Variants in PFDN2 observed in about 807,000 individuals in gnomAD.
The protein encoded by PFDN2 is prefoldin 2.
In PFDN2, 7 loss-of-function variants were observed where a neutral mutation model predicts 18.3. That is an observed-to-expected ratio of 0.38 (90% CI 0.22 to 0.72). PFDN2 has a LOEUF of 0.72. Among genes scored for constraint, PFDN2 ranks in the 30% least tolerant of loss-of-function variants. The pLI, the probability that PFDN2 is intolerant of heterozygous loss-of-function variation, is 0.47. For missense variants in PFDN2, 181 were observed against 199.1 expected (o/e 0.91, Z 0.55); for synonymous variants, 76 against 75.0 (o/e 1.01, Z -0.07).
rs1654576361 is a variant in PFDN2, at chr1:161,102,087, G to A, written c.249C>T (p.Val83=). The part of the protein sequence containing the change: ...MVGGVLVERT[V]KEVLPALENN... ...TCTCCAAAGCGGGCAGCACCTCTTT[G>A]ACAGTTCGCTCCACCAGCACTCCTC... The change falls in exon 3 of 4, where the codon GTC becomes GTT. Residue 83 remains valine (V), a synonymous_variant. Transcript: ENST00000368010. 3.1e-6 allele frequency: 5 copies of A among 1,614,182 alleles called. No homozygotes were observed. The East Asian group carries it at 1.1e-4, about 36-fold the overall frequency.
intron 1 of PFDN2, among the ~76,000 whole-genome samples, chr1:161,112,664 C>G (rs1425334856): frequency 6.6e-6 from 1 of 152,172 alleles, no homozygotes; most frequent in Non-Finnish European, 1.5e-5. Context: ...AGCAATTTCT[C>G]TTAGGCTCAC....
rs188728849 is a variant in PFDN2, at chr1:161,111,001, G to A, written c.75+6951C>T. ...ACTACAGGCGCCCGCCAATGCGCCC[G>A]GCTAACTTTTTGTATTTTTTAGTAG... On this transcript the variant is annotated intron_variant, in intron 1 of 3. Coordinates refer to ENST00000368010, the MANE Select transcript of PFDN2 (RefSeq NM_012394.4). 3.4e-3 allele frequency among the ~76,000 whole-genome samples: 513 copies of A among 151,918 alleles called. 4 individuals carry two copies. The highest frequency in any genetic ancestry group is 0.015 in the South Asian group (72 of 4,794).
chr1:161,101,531 TC>T (rs1654560361), intron 3 of PFDN2, among the ~76,000 whole-genome samples: 1 of 152,138 alleles, frequency 6.6e-6, no homozygotes, highest in African/African-American at 2.4e-5. Context: ...TTCATGGCAC[TC>T]CCAAAGGTTC....
chr1:161,107,424 CAA>C (rs34132641), intron 1 of PFDN2, among the ~76,000 whole-genome samples: 7,097 of 67,906 alleles, frequency 0.1, 66 homozygotes, highest in South Asian at 0.15. Context: ...GACTCTGTCT[CAA>C]AAAAAAAAAA....
At chr1:161,111,054 A>T (rs1285084074) in intron 1 of PFDN2, among the ~76,000 whole-genome samples, 1 of 151,782 alleles carries the variant, frequency 6.6e-6, no homozygotes, top group Non-Finnish European at 1.5e-5. Flanking sequence ...GTTAGCCAGG[A>T]TGGTCTCAAT....
intron 1 of PFDN2, 44 bp downstream of exon 1, chr1:161,117,908 C>G (rs781253093): frequency 5.5e-5 from 85 of 1,531,762 alleles, no homozygotes; most frequent in Non-Finnish European, 7.0e-5. Flanking sequence ...CGCTAGTATT[C>G]CAGACCCAGG....
In PFDN2 at chr1:161,104,269, C is replaced by T. The variant is rs181135388; in HGVS notation, c.76-1894G>A. Among the ~76,000 whole-genome samples, 7 of 152,104 alleles carry T rather than the reference C, an allele frequency of 4.6e-5. No homozygotes were observed. The East Asian group carries it at 1.4e-3, about 29-fold the overall frequency. ...ACTTCTCTCCAAGTCCAGAATTGCC[C>T]CTTTAGACTCTCCTGGTCATCTGAC... On this transcript the variant is annotated intron_variant, in intron 1 of 3. Coordinates refer to ENST00000368010, the MANE Select transcript of PFDN2 (RefSeq NM_012394.4).
Position 161,118,021 on chromosome 1 carries a change from C to G in PFDN2, c.6G>C (p.Ala2=), listed in dbSNP as rs573858934. The change falls in exon 1 of 4, where the codon GCG becomes GCC. Residue 2 remains alanine (A), a synonymous_variant. Coordinates refer to ENST00000368010, the MANE Select transcript of PFDN2 (RefSeq NM_012394.4). ...TCTTGCCGGCGCGACCGCTGTTCTC[C>G]GCCATCTTCGCCGCCTGCTGGGTTT... is the stretch of plus-strand genomic sequence containing the variant. The part of the protein sequence containing the change: M[A]ENSGRAGKSS... The G allele has an allele frequency of 6.2e-7, 1 of 1,611,488 alleles. No individual in the cohort carries two copies. The highest frequency in any genetic ancestry group is 1.1e-5 in the South Asian group (1 of 90,954).
At chr1:161,101,904 T>A in intron 3 of PFDN2, 144 bp downstream of exon 3, 1 of 762,676 alleles carries the variant, frequency 1.3e-6, no homozygotes, top group South Asian at 1.8e-5. Flanking sequence ...GCTAATCTTT[T>A]GTATTTTTTG....
intron 3 of PFDN2, 62 bp from the exon 4 acceptor site, chr1:161,100,921 G>A: frequency 7.9e-7 from 1 of 1,267,706 alleles, no homozygotes; most frequent in South Asian, 1.3e-5. Context: ...CACCTGGAAT[G>A]GACTATGGTT....
intron 1 of PFDN2, among the ~76,000 whole-genome samples, chr1:161,108,414 C>T (rs984526255): frequency 6.7e-6 from 1 of 148,816 alleles, no homozygotes; most frequent in Admixed American, 6.8e-5. Flanking sequence ...GCCAAGATCG[C>T]ACCATTACAC....
intron 1 of PFDN2, among the ~76,000 whole-genome samples, chr1:161,115,255 G>A (rs1654885482): frequency 6.6e-6 from 1 of 152,100 alleles, no homozygotes; most frequent in Non-Finnish European, 1.5e-5. Flanking sequence ...GTAGCGATGG[G>A]GTTTCGCCAT....
chr1:161,110,968 T>C (rs976151395), intron 1 of PFDN2, among the ~76,000 whole-genome samples: 2 of 148,418 alleles, frequency 1.3e-5, no homozygotes, highest in African/African-American at 5.0e-5. Flanking sequence ...GCCTCCCGAG[T>C]AGGTGGGACT....
chr1:161,116,051 C>T (rs1654907985), intron 1 of PFDN2, among the ~76,000 whole-genome samples: 1 of 152,000 alleles, frequency 6.6e-6, no homozygotes, highest in Admixed American at 6.6e-5. Context: ...AGTGAGACTC[C>T]CATCTCTACC....
intron 1 of PFDN2, among the ~76,000 whole-genome samples, chr1:161,114,578 C>A (rs1654868673): frequency 6.6e-6 from 1 of 152,218 alleles, no homozygotes; most frequent in Non-Finnish European, 1.5e-5. Context: ...CTAGCATTTA[C>A]TAAACACACA....
chr1:161,110,794 A>G (rs1478562207), intron 1 of PFDN2, among the ~76,000 whole-genome samples: 1 of 150,392 alleles, frequency 6.6e-6, no homozygotes, highest in Non-Finnish European at 1.5e-5. Context: ...ATCAAATAAT[A>G]GTACTCATCC....
intron 1 of PFDN2, among the ~76,000 whole-genome samples, chr1:161,109,363 C>T (rs1163631962): frequency 6.6e-6 from 1 of 152,192 alleles, no homozygotes; most frequent in Non-Finnish European, 1.5e-5. Context: ...TATATGTGCT[C>T]ATATAAAAAT....
intron 1 of PFDN2, among the ~76,000 whole-genome samples, chr1:161,103,033 G>A (rs983937426): frequency 1.3e-5 from 2 of 151,990 alleles, no homozygotes; most frequent in Non-Finnish European, 2.9e-5. Flanking sequence ...AGTGAGGGCT[G>A]TCAGGAAGGG....
chr1:161,117,887 C>T, intron 1 of PFDN2, 65 bp downstream of exon 1: 2 of 1,377,794 alleles, frequency 1.5e-6, no homozygotes, highest in East Asian at 2.3e-5. Flanking sequence ...AAGCCACAGG[C>T]TCCCCCTTCT....
Sources: gnomAD v4.1 joint callset for allele counts (sites outside exome capture counted in the v4.1 genomes callset) on GRCh38, gnomAD v4.1.1 for gene constraint, MANE v1.5 for transcripts, NCBI Gene and HGNC (gene_info 2026-07-23, HGNC 2026-07-21) for gene names.